CDH22: variants seen among roughly 807,000 people sequenced by gnomAD.
CDH22 encodes the protein cadherin 22.
A neutral mutation model predicts 58.4 loss-of-function variants in CDH22; 30 were observed. The observed-to-expected ratio is 0.51, with a 90% CI of 0.38 to 0.70. The LOEUF (loss-of-function observed/expected upper bound fraction) is 0.70. Ranked by LOEUF, CDH22 falls within the 30% of genes least tolerant of loss-of-function variation. The pLI, the probability that CDH22 is intolerant of heterozygous loss-of-function variation, is 0.00. For missense variants in CDH22, 1,014 were observed against 1,233.9 expected, an observed-to-expected ratio of 0.82 and a Z score of 2.67; for synonymous variants, 513 against 558.2, an observed-to-expected ratio of 0.92 and a Z score of 1.14.
Position 46,210,276 on chromosome 20 carries a change from A to G in CDH22, c.1286+31T>C. The G allele has an allele frequency of 7.3e-7, 1 of 1,375,946 alleles. No individual in the cohort carries two copies. The highest frequency in any genetic ancestry group is 9.3e-7 in the Non-Finnish European group (1 of 1,070,588). 85.2% of individuals were successfully genotyped at this position (1,375,946 alleles called of 1,614,324 possible). On this transcript the variant is annotated intron_variant, in intron 7 of 11. Coordinates refer to ENST00000537909, the MANE Select transcript of CDH22 (RefSeq NM_021248.3). The surrounding 1 kb of genome is among the most constrained non-coding windows in gnomAD (Gnocchi z 4.5). ...CGGGGGTGATGGCGGGATAGCAGGC[A>G]GCAGGCGTCGGCCCCGGGCGGGGGT... is the stretch of plus-strand genomic sequence containing the variant.
In CDH22 at chr20:46,174,726, G is replaced by T; in HGVS notation, c.2267C>A (p.Ala756Glu). ...CACCGACAGGTCCCCGTCCGCCAGT[G>T]CCACCTTGCGGCTGATGAAGTCCCT... ...VFRDFISRKV[A>E]LADGDLSVPP... Residue 756 changes from alanine (A) to glutamate (E), a missense_variant, in exon 12 of 12, where the codon GCA (alanine) becomes GAA (glutamate). By Grantham distance (107) the Ala-to-Glu change is moderately radical (BLOSUM62 -1). Coordinates refer to ENST00000537909, the MANE Select transcript of CDH22 (RefSeq NM_021248.3). This position sits in a 1 kb window ranked among gnomAD's most constrained non-coding sequence, Gnocchi z 4.4. 2 of 1,555,334 alleles carry T rather than the reference G, an allele frequency of 1.3e-6. No individual in the cohort carries two copies. Among genetic ancestry groups the T allele is most frequent in the Middle Eastern group, 1.7e-4 (1 of 5,998 alleles).
chr20:46,199,290 C>A (rs1036469044), intron 8 of CDH22, 133 bp downstream of exon 8: 78 of 1,086,820 alleles, frequency 7.2e-5, no homozygotes, highest in Non-Finnish European at 9.5e-5. Flanking sequence ...CCATCCCCAA[C>A]CTTTGGCCCC....
intron 8 of CDH22, among the ~76,000 whole-genome samples, chr20:46,196,747 C>A (rs1168473458): frequency 6.6e-6 from 1 of 152,138 alleles, no homozygotes; most frequent in African/African-American, 2.4e-5. Flanking sequence ...AATGGACACC[C>A]CTTAGGGGTG....
chr20:46,246,665 C>T (rs1047607971), intron 2 of CDH22, among the ~76,000 whole-genome samples: 8 of 152,018 alleles, frequency 5.3e-5, no homozygotes, highest in African/African-American at 1.7e-4. Flanking sequence ...CGGGGCCCAG[C>T]GGTTCCTGTG....
intron 1 of CDH22, among the ~76,000 whole-genome samples, chr20:46,302,310 G>A (rs1242115175): frequency 2.6e-5 from 4 of 152,112 alleles, no homozygotes; most frequent in South Asian, 2.1e-4. Flanking sequence ...CGTTGTAGGC[G>A]GTTTGGCAGC....
chr20:46,203,028 C>T (rs1420330473), intron 7 of CDH22, among the ~76,000 whole-genome samples: 1 of 152,120 alleles, frequency 6.6e-6, no homozygotes, highest in African/African-American at 2.4e-5. Flanking sequence ...TGCTGCTGCT[C>T]CTCCTCCTCC....
chr20:46,208,932 C>T (rs141638170), intron 7 of CDH22, among the ~76,000 whole-genome samples: 67 of 152,346 alleles, frequency 4.4e-4, no homozygotes, highest in African/African-American at 1.4e-3. Context: ...ATATTCAGCA[C>T]GTGTCCACTG....
intron 1 of CDH22, among the ~76,000 whole-genome samples, chr20:46,255,971 A>G (rs909816507): frequency 6.6e-6 from 1 of 152,198 alleles, no homozygotes; most frequent in African/African-American, 2.4e-5. Context: ...GCCTGGCTCA[A>G]TAAATGTTGG....
intron 1 of CDH22, among the ~76,000 whole-genome samples, chr20:46,282,187 G>A (rs551505856): frequency 8.5e-5 from 13 of 152,328 alleles, no homozygotes; most frequent in South Asian, 2.1e-4. Flanking sequence ...AAAGAGGGAA[G>A]AGAATGGTGG....
At chr20:46,283,880 G>A (rs908449352) in intron 1 of CDH22, among the ~76,000 whole-genome samples, 1 of 151,990 alleles carries the variant, frequency 6.6e-6, no homozygotes. Flanking sequence ...AAGCAGGAGC[G>A]GAGGATCCCA....
At chr20:46,268,347 C>T (rs144059567) in intron 1 of CDH22, among the ~76,000 whole-genome samples, 2,050 of 152,362 alleles carry the variant, frequency 0.013, 19 homozygotes, top group Non-Finnish European at 0.019. Flanking sequence ...TAAAGCCTGG[C>T]GGCCACCGCC....
Position 46,308,074 on chromosome 20 carries a change from G to A in CDH22, c.-400+181C>T, listed in dbSNP as rs1330930877. On this transcript the variant is annotated intron_variant, in intron 1 of 11. Coordinates refer to ENST00000537909, the MANE Select transcript of CDH22 (RefSeq NM_021248.3). The surrounding 1 kb of genome is among the most constrained non-coding windows in gnomAD (Gnocchi z 4.3). ...TGGGAAACTCCCTCCCCGCCCTCCC[G>A]GCCGAGAGGAGGGGGCGCGCAGGGC... is the stretch of plus-strand genomic sequence containing the variant. Among the ~76,000 whole-genome samples the A allele has an allele frequency of 7.9e-5, 12 of 151,480 alleles. No individual in the cohort carries two copies. The highest frequency in any genetic ancestry group is 1.8e-4 in the Non-Finnish European group (12 of 67,780).
intron 10 of CDH22, 35 bp from the exon 11 acceptor site, chr20:46,178,232 G>A: frequency 6.3e-7 from 1 of 1,597,028 alleles, no homozygotes. Context: ...TGTGACTTGG[G>A]GCCGGGGGTC....
intron 7 of CDH22, among the ~76,000 whole-genome samples, chr20:46,208,993 C>T (rs1013718015): frequency 3.9e-5 from 6 of 152,190 alleles, no homozygotes; most frequent in Non-Finnish European, 7.3e-5. Context: ...AACAAATAGA[C>T]GTAAATCCCT....
At chr20:46,250,978 T>C in intron 2 of CDH22, 62 bp downstream of exon 2, 4 of 986,008 alleles carry the variant, frequency 4.1e-6, no homozygotes, top group South Asian at 2.6e-5. Flanking sequence ...GGGTTTCTTG[T>C]ATCTACCCGT....
intron 4 of CDH22, among the ~76,000 whole-genome samples, chr20:46,226,508 C>A (rs1048643873): frequency 1.3e-5 from 2 of 151,958 alleles, no homozygotes; most frequent in African/African-American, 4.8e-5. Context: ...GTCTCAAACT[C>A]CTGAACTCAA....
At chr20:46,244,353 G>A (rs1335834779) in intron 2 of CDH22, among the ~76,000 whole-genome samples, 1 of 152,202 alleles carries the variant, frequency 6.6e-6, no homozygotes, top group East Asian at 1.9e-4. Flanking sequence ...GCTAAGATCT[G>A]GGAGTTACGA....
At chr20:46,271,811 C>G (rs1238900070) in intron 1 of CDH22, among the ~76,000 whole-genome samples, 1 of 152,200 alleles carries the variant, frequency 6.6e-6, no homozygotes, top group Non-Finnish European at 1.5e-5. Flanking sequence ...CCTGGGCAAT[C>G]TCATCCATGC....
At chr20:46,287,339 A>G (rs1033097412) in intron 1 of CDH22, among the ~76,000 whole-genome samples, 2 of 152,222 alleles carry the variant, frequency 1.3e-5, no homozygotes, top group African/African-American at 4.8e-5. Flanking sequence ...TATTATCATT[A>G]TTAACTCACG....
Sources: gnomAD v4.1 joint callset for allele counts (sites outside exome capture counted in the v4.1 genomes callset) on GRCh38, gnomAD v4.1.1 for gene constraint, Gnocchi (gnomAD v3.1) non-coding constraint, MANE v1.5 for transcripts, NCBI Gene and HGNC (gene_info 2026-07-23, HGNC 2026-07-21) for gene names.